Variants in SPATA31E1 observed in about 807,000 individuals in gnomAD.
SPATA31E1 encodes the protein spermatogenesis-associated protein 31E1.
Under a neutral mutation model 12.9 loss-of-function variants are expected in SPATA31E1, and 7 were observed. The observed-to-expected ratio is 0.54, with a 90% confidence interval of 0.31 to 1.02. The LOEUF (loss-of-function observed/expected upper bound fraction) is 1.02, where lower values mean the gene tolerates loss of function less well. SPATA31E1 is among the 50% of genes least tolerant of loss of function. SPATA31E1 has a pLI of 0.05. For missense variants in SPATA31E1, 1,961 were observed against 1,799.8 expected (o/e 1.09, Z -1.62); for synonymous variants, 771 against 719.0 (o/e 1.07, Z -1.16).
In SPATA31E1 at chr9:87,887,742, G is replaced by A; in HGVS notation, c.3255G>A (p.Gln1085=). The change falls in exon 4 of 4, where the codon CAG becomes CAA. Residue 1085 remains glutamine (Q), a synonymous_variant. Transcript: ENST00000325643. ...NPSASSVCVA[Q]DPEQLHLKAQ... is the part of the protein sequence containing the mutation. ...CAGCGTCTTCAGTCTGTGTTGCTCA[G>A]GATCCAGAGCAGCTGCACCTGAAAG... The A allele has an allele frequency of 1.9e-6, 3 of 1,614,102 alleles. No homozygotes were observed. Among genetic ancestry groups the A allele is most frequent in the Non-Finnish European group, 2.5e-6 (3 of 1,180,046 alleles).
rs765405705 is a variant in SPATA31E1 at position 87,885,738 on chromosome 9, C to T, written c.1251C>T (p.Pro417=). 4 of 1,613,836 alleles carry T rather than the reference C, an allele frequency of 2.5e-6. No homozygotes were observed. In the African/African-American group the frequency reaches 4.0e-5, roughly 16 times the overall value. Residue 417 remains proline (P), a synonymous_variant, in exon 4 of 4, where the codon CCC becomes CCT. Coordinates refer to ENST00000325643, the MANE Select transcript of SPATA31E1 (RefSeq NM_178828.5). ...TGTCAACCCAGCCACAGCAGCTGCC[C>T]CGTCCTCAGCAAGTCTCTGATGCCA... The part of the protein sequence containing the change: ...WNVSTQPQQL[P]RPQQVSDATT...
chr9:87,883,898 G>T, intron 1 of SPATA31E1, 94 bp from the exon 2 acceptor site: 1 of 1,382,782 alleles, frequency 7.2e-7, no homozygotes, highest in Middle Eastern at 2.2e-4. Flanking sequence ...GAGGCTGAGA[G>T]CCGTGTCCCT....
chr9:87,885,502 TCCTTCTGGGGAGAC>T lies in SPATA31E1; in HGVS notation c.1018_1031del (p.Phe340HisfsTer16). On this transcript the variant is annotated frameshift_variant, in exon 4 of 4. Coordinates refer to ENST00000325643, the MANE Select transcript of SPATA31E1 (RefSeq NM_178828.5). LOFTEE classifies it low-confidence loss of function (END_TRUNC). ...TCTTCCCGACCACACCTCAGAGGCT[TCCTTCTGGGGAGAC>T]CCCACACCCAAGCACATGGAGGTAG... is the stretch of plus-strand genomic sequence containing the variant. 2 of 1,614,116 alleles carry T rather than the reference TCCTTCTGGGGAGAC, an allele frequency of 1.2e-6. No individual in the cohort carries two copies. The highest frequency in any genetic ancestry group is 8.5e-7 in the Non-Finnish European group (1 of 1,180,004).
Position 87,887,982 on chromosome 9 carries a change from G to T in SPATA31E1, c.3495G>T (p.Gln1165His), listed in dbSNP as rs746607384. The change falls in exon 4 of 4, where the codon CAG (glutamine) becomes CAT (histidine). Residue 1165 changes from glutamine to histidine, a missense_variant. Gln to His is a conservative substitution (Grantham distance 24). Coordinates refer to ENST00000325643, the MANE Select transcript of SPATA31E1 (RefSeq NM_178828.5). ...CTGGTAAGAACATGACAGCTTCCCA[G>T]GGGCCATGTGCCCTCCTATGGAAGG... is the stretch of plus-strand genomic sequence containing the variant. ...SVSGKNMTAS[Q>H]GPCALLWKGG... 6.2e-6 allele frequency: 10 copies of T among 1,613,780 alleles called. No homozygotes were observed. Among genetic ancestry groups the T allele is most frequent in the Non-Finnish European group, 8.5e-6 (10 of 1,180,010 alleles).
chr9:87,886,955 A>G lies in SPATA31E1; in HGVS notation c.2468A>G (p.Glu823Gly). 6.2e-7 allele frequency: 1 copy of G among 1,614,058 alleles called. No homozygotes were observed. The highest frequency in any genetic ancestry group is 8.5e-7 in the Non-Finnish European group (1 of 1,179,998). The change falls in exon 4 of 4, where the codon GAG becomes GGG. Residue 823 changes from glutamate (E) to glycine (G), a missense_variant. Physicochemically the swap from Glu to Gly is moderately conservative, Grantham distance 98 (BLOSUM62 -2). Coordinates refer to ENST00000325643, the MANE Select transcript of SPATA31E1 (RefSeq NM_178828.5). ...AAAGCCCACGTGAACACCTCCCAGG[A>G]GCTTTCCTTCCTCCATCCCTGCACC... ...GGKAHVNTSQ[E>G]LSFLHPCTQQ...
chr9:87,884,509 C>G (rs1011414885), intron 2 of SPATA31E1, 82 bp from the exon 3 acceptor site: 1 of 1,435,518 alleles, frequency 7.0e-7, no homozygotes, highest in African/African-American at 1.4e-5. Flanking sequence ...CCCATGGTGT[C>G]CCCTAAAAAG....
rs1330500376 is a variant in SPATA31E1, at chr9:87,887,195, C to T, written c.2708C>T (p.Pro903Leu). 2 of 1,614,096 alleles carry T rather than the reference C, an allele frequency of 1.2e-6. No individual in the cohort carries two copies. Among genetic ancestry groups the T allele is most frequent in the East Asian group, 4.5e-5 (2 of 44,880 alleles). The change falls in exon 4 of 4, where the codon CCA (proline) becomes CTA (leucine). Residue 903 changes from proline to leucine, a missense_variant. Physicochemically the swap from Pro to Leu is moderately conservative, Grantham distance 98. Coordinates refer to ENST00000325643, the MANE Select transcript of SPATA31E1 (RefSeq NM_178828.5). ...CTGGGAAAACGTCCTCAGAATGGTCCAGGAGACAACAGAACAACAAGCAAG... is the reference window on the plus strand; with the variant it reads ...CTGGGAAAACGTCCTCAGAATGGTCTAGGAGACAACAGAACAACAAGCAAG... The part of the protein sequence containing the change: ...IFLGKRPQNG[P>L]GDNRTTSKSV...
chr9:87,883,873 G>A (rs1828213015), intron 1 of SPATA31E1, 119 bp from the exon 2 acceptor site: 5 of 1,072,690 alleles, frequency 4.7e-6, no homozygotes, highest in Non-Finnish European at 6.8e-6. Flanking sequence ...AGCACACACA[G>A]AGCTCCCTGA....
rs771751341 is a variant in SPATA31E1, at chr9:87,886,175, G to T, written c.1688G>T (p.Gly563Val). 6.2e-7 allele frequency: 1 copy of T among 1,608,522 alleles called. No homozygotes were observed. Among genetic ancestry groups the T allele is most frequent in the Non-Finnish European group, 8.5e-7 (1 of 1,176,310 alleles). ...QERTQSVIPT[G>V]KEYLEWPLKK... ...AGGACACAGTCTGTCATCCCCACTG[G>T]AAAGGAGTATCTTGAATGGCCCTTG... The change falls in exon 4 of 4, where the codon GGA becomes GTA. Residue 563 changes from glycine (G) to valine (V), a missense_variant. By Grantham distance (109) the Gly-to-Val change is moderately radical. Coordinates refer to ENST00000325643, the MANE Select transcript of SPATA31E1 (RefSeq NM_178828.5).
chr9:87,885,988 G>A lies in SPATA31E1; in HGVS notation c.1501G>A (p.Ala501Thr), dbSNP rs556796136. Reference protein sequence around the residue: ...SQAPPQPHHMAQPQHFTPAWP... With the variant: ...SQAPPQPHHMTQPQHFTPAWP... ...GGCACCGCCCCAGCCCCACCACATG[G>A]CCCAGCCCCAACATTTCACTCCAGC... Residue 501 changes from alanine (A) to threonine (T), a missense_variant, in exon 4 of 4, where the codon GCC (alanine) becomes ACC (threonine). By Grantham distance (58) the Ala-to-Thr change is moderately conservative. Transcript: ENST00000325643. 133 of 1,612,950 alleles carry A rather than the reference G, an allele frequency of 8.2e-5. 2 individuals carry two copies. The South Asian group carries it at 1.0e-3, about 12-fold the overall frequency.
In SPATA31E1 at chr9:87,886,021, C is replaced by T; in HGVS notation, c.1534C>T (p.Gln512Ter). The change falls in exon 4 of 4, where the codon CAG becomes TAG. Residue 512 changes from glutamine (Q) to a stop codon, truncating the protein, a stop_gained. Coordinates refer to ENST00000325643, the MANE Select transcript of SPATA31E1 (RefSeq NM_178828.5). LOFTEE classifies it low-confidence loss of function (END_TRUNC). Reference sequence around the variant, plus strand: ...CCAACATTTCACTCCAGCCTGGCCCCAGTCCCAGCCCCCACCTTTGGCTGA... The same window carrying T: ...CCAACATTTCACTCCAGCCTGGCCCTAGTCCCAGCCCCCACCTTTGGCTGA... Reference protein sequence around the residue: ...QPQHFTPAWPQSQPPPLAEIQ... With the variant: ...QPQHFTPAWP 2 of 1,612,958 alleles carry T rather than the reference C, an allele frequency of 1.2e-6. No individual in the cohort carries two copies. Among genetic ancestry groups the T allele is most frequent in the South Asian group, 1.1e-5 (1 of 91,046 alleles).
intron 1 of SPATA31E1, 111 bp downstream of exon 1, chr9:87,883,311 C>A: frequency 6.9e-7 from 1 of 1,444,518 alleles, no homozygotes; most frequent in Non-Finnish European, 9.4e-7. Flanking sequence ...GAAATCTCGT[C>A]ATCCCTCTAG....
chr9:87,888,059 C>T lies in SPATA31E1; in HGVS notation c.3572C>T (p.Pro1191Leu), dbSNP rs1424847235. Residue 1191 changes from proline (P) to leucine (L), a missense_variant, in exon 4 of 4, where the codon CCA (proline) becomes CTA (leucine). Transcript: ENST00000325643. Reference sequence around the variant, plus strand: ...CCTGGGAGCCCAAAAGCAAAGGCCCCACAGAAGAGTCAGAAGACGCTGGGC... The same window carrying T: ...CCTGGGAGCCCAAAAGCAAAGGCCCTACAGAAGAGTCAGAAGACGCTGGGC... ...QEPGSPKAKAPQKSQKTLGCA... is the reference protein window; with the variant it reads ...QEPGSPKAKALQKSQKTLGCA... 6.2e-7 allele frequency: 1 copy of T among 1,606,068 alleles called. No homozygotes were observed. The highest frequency in any genetic ancestry group is 1.7e-5 in the Admixed American group (1 of 58,536).
At position 87,887,333 on chromosome 9, in the gene SPATA31E1, T is replaced by C; in HGVS notation, c.2846T>C (p.Phe949Ser). The change falls in exon 4 of 4, where the codon TTT becomes TCT. Residue 949 changes from phenylalanine to serine, a missense_variant. Physicochemically the swap from Phe to Ser is radical, Grantham distance 155. Coordinates refer to ENST00000325643, the MANE Select transcript of SPATA31E1 (RefSeq NM_178828.5). The stretch of plus-strand genomic sequence containing the variant: ...GATACCCATGGGCGATCAGAGGCCT[T>C]TCCGACTGGACACAAGGGCAGGGGG... ...SADTHGRSEA[F>S]PTGHKGRGCS... 6.2e-7 allele frequency: 1 copy of C among 1,613,616 alleles called. No homozygotes were observed. Among genetic ancestry groups the C allele is most frequent in the Non-Finnish European group, 8.5e-7 (1 of 1,180,000 alleles).
rs770435313 is a variant in SPATA31E1 at position 87,886,976 on chromosome 9, G to T, written c.2489G>T (p.Cys830Phe). The T allele has an allele frequency of 6.2e-7, 1 of 1,614,098 alleles. No homozygotes were observed. Among genetic ancestry groups the T allele is most frequent in the Admixed American group, 1.7e-5 (1 of 60,022 alleles). ...CAGGAGCTTTCCTTCCTCCATCCCT[G>T]CACCCAGCAGATACTGGAAGTACAT... ...TSQELSFLHP[C>F]TQQILEVHLV... Residue 830 changes from cysteine (C) to phenylalanine (F), a missense_variant, in exon 4 of 4, where the codon TGC becomes TTC. Cys to Phe is a radical substitution (Grantham distance 205). Transcript: ENST00000325643.
At position 87,887,501 on chromosome 9, in the gene SPATA31E1, G is replaced by A; in HGVS notation, c.3014G>A (p.Ser1005Asn). 1 of 1,613,952 alleles carries A rather than the reference G, an allele frequency of 6.2e-7. No individual in the cohort carries two copies. Among genetic ancestry groups the A allele is most frequent in the Non-Finnish European group, 8.5e-7 (1 of 1,180,034 alleles). ...AGNEAWLESE[S>N]MSPGDPCSSR... ...AACGAGGCATGGCTTGAGAGTGAGA[G>A]CATGTCCCCAGGAGACCCCTGTAGT... The change falls in exon 4 of 4, where the codon AGC becomes AAC. Residue 1005 changes from serine to asparagine, a missense_variant. By Grantham distance (46) the Ser-to-Asn change is conservative. Transcript: ENST00000325643.
intron 1 of SPATA31E1, among the ~76,000 whole-genome samples, chr9:87,883,492 T>C (rs1166289385): frequency 6.6e-6 from 1 of 152,168 alleles, no homozygotes; most frequent in Admixed American, 6.5e-5. Flanking sequence ...CCCTGGCTCA[T>C]CACCCCCTTC....
Position 87,885,191 on chromosome 9 carries a change from C to T in SPATA31E1, c.704C>T (p.Ala235Val). 1 of 1,614,148 alleles carries T rather than the reference C, an allele frequency of 6.2e-7. No homozygotes were observed. The highest frequency in any genetic ancestry group is 8.5e-7 in the Non-Finnish European group (1 of 1,180,022). ...CCCTTGCTTCCCCTAAAATGCCCTG[C>T]AACCCAGCCACATGTGGTTTTTCCT... ...PEPLLPLKCPATQPHVVFPPS... is the reference protein window; with the variant it reads ...PEPLLPLKCPVTQPHVVFPPS... Residue 235 changes from alanine (A) to valine (V), a missense_variant, in exon 4 of 4, where the codon GCA becomes GTA. Ala to Val is a moderately conservative substitution (Grantham distance 64). Transcript: ENST00000325643.
Position 87,887,100 on chromosome 9 carries a change from A to G in SPATA31E1, c.2613A>G (p.Pro871=), listed in dbSNP as rs1179562547. 6.2e-7 allele frequency: 1 copy of G among 1,613,860 alleles called. No homozygotes were observed. Among genetic ancestry groups the G allele is most frequent in the African/African-American group, 1.3e-5 (1 of 74,896 alleles). The change falls in exon 4 of 4, where the codon CCA becomes CCG. Residue 871 remains proline (P), a synonymous_variant. Coordinates refer to ENST00000325643, the MANE Select transcript of SPATA31E1 (RefSeq NM_178828.5). ...WSGEAQAPPF[P]QSTFTPWASW... Reference sequence around the variant, plus strand: ...GTGAGGCTCAGGCCCCGCCCTTCCCACAATCCACCTTTACCCCCTGGGCCT... The same window carrying G: ...GTGAGGCTCAGGCCCCGCCCTTCCCGCAATCCACCTTTACCCCCTGGGCCT...
Sources: gnomAD v4.1 joint callset for allele counts (sites outside exome capture counted in the v4.1 genomes callset) on GRCh38, gnomAD v4.1.1 for gene constraint, MANE v1.5 for transcripts, NCBI Gene and HGNC (gene_info 2026-07-23, HGNC 2026-07-21) for gene names.